Variants in SIX2 observed in about 807,000 individuals in gnomAD.
The protein encoded by SIX2 is homeobox protein SIX2.
In SIX2, 20 loss-of-function variants were observed where a neutral mutation model predicts 22.8. That is an observed-to-expected ratio of 0.88 (90% CI 0.62 to 1.28). The LOEUF is 1.28. SIX2 is among the 50% of genes most tolerant of loss of function. The probability of loss-of-function intolerance (pLI) is 0.00; values close to 1 mark genes in which losing one functional copy is unlikely to be tolerated. For synonymous variants in SIX2, 195 were observed against 186.4 expected (o/e 1.05, Z -0.37); for missense variants, 360 against 400.0 (o/e 0.90, Z 0.85).
In SIX2 at chr2:45,008,834, T is replaced by C. The variant is rs762591882; in HGVS notation, c.277A>G (p.Ile93Val). ...CGGCCGCGCAGCTTCTCCGCCTCGA[T>C]GTAGTGTGCCTTGAGCCACAGCTGC... ...LQQLWLKAHY[I>V]EAEKLRGRPL... Residue 93 changes from isoleucine (I) to valine (V), a missense_variant, in exon 1 of 2, where the codon ATC becomes GTC. Ile to Val is a conservative substitution (Grantham distance 29). This residue lies in a region of SIX2 where 118 missense variants were observed against 135.1 expected (regional missense o/e 0.87). Transcript: ENST00000303077. 6 of 1,613,758 alleles carry C rather than the reference T, an allele frequency of 3.7e-6. No individual in the cohort carries two copies. The highest frequency in any genetic ancestry group is 1.7e-5 in the Admixed American group (1 of 60,004).
intron 1 of SIX2, 92 bp downstream of exon 1, chr2:45,008,459 T>G: frequency 2.1e-6 from 3 of 1,406,276 alleles, no homozygotes; most frequent in Non-Finnish European, 3.0e-6. Context: ...GGGGGCCCAG[T>G]TTAGGCCTCT....
At position 45,006,426 on chromosome 2, in the gene SIX2, G is replaced by A. The variant is rs756926148; in HGVS notation, c.620C>T (p.Ser207Leu). The A allele has an allele frequency of 9.3e-6, 15 of 1,614,154 alleles. No homozygotes were observed. Among genetic ancestry groups the A allele is most frequent in the Non-Finnish European group, 1.2e-5 (14 of 1,180,034 alleles). The change falls in exon 2 of 2, where the codon TCG becomes TTG. Residue 207 changes from serine to leucine, a missense_variant. By Grantham distance (145) the Ser-to-Leu change is moderately radical (BLOSUM62 -2). Transcript: ENST00000303077. This position sits in a 1 kb window ranked among gnomAD's most constrained non-coding sequence, Gnocchi z 4.2. ...CTCATCCTCCGAGCTGCCTAACACCGACTTGCCGCTGCCATTCAGCGGGTT... is the reference window on the plus strand; with the variant it reads ...CTCATCCTCCGAGCTGCCTAACACCAACTTGCCGCTGCCATTCAGCGGGTT... ...SHNPLNGSGK[S>L]VLGSSEDEKT... is the part of the protein sequence containing the mutation.
At position 45,006,235 on chromosome 2, in the gene SIX2, G is replaced by T; in HGVS notation, c.811C>A (p.His271Asn). ...GGGGADPLQH[H>N]HGLQDSILNP... ...AGGATGGAGTCCTGCAGGCCATGGT[G>T]GTGTTGCAGTGGGTCCGCTCCACCT... The change falls in exon 2 of 2, where the codon CAC becomes AAC. Residue 271 changes from histidine to asparagine, a missense_variant. Physicochemically the swap from His to Asn is moderately conservative, Grantham distance 68 (BLOSUM62 1). Around this residue, in one of 3 missense-constraint regions of SIX2, gnomAD observed 235 missense variants for 231.9 expected, o/e 1.01. Transcript: ENST00000303077. The surrounding 1 kb of genome is among the most constrained non-coding windows in gnomAD (Gnocchi z 4.2). The T allele has an allele frequency of 6.2e-7, 1 of 1,614,240 alleles. No individual in the cohort carries two copies. Among genetic ancestry groups the T allele is most frequent in the South Asian group, 1.1e-5 (1 of 91,090 alleles).
intron 1 of SIX2, among the ~76,000 whole-genome samples, chr2:45,007,721 G>T (rs1490240366): frequency 1.3e-5 from 2 of 152,144 alleles, no homozygotes; most frequent in Non-Finnish European, 2.9e-5. Flanking sequence ...GGTCCTGAGG[G>T]GTTATAGGGC....
chr2:45,006,566 G>C lies in SIX2; in HGVS notation c.561-81C>G. 2 of 1,355,332 alleles carry C rather than the reference G, an allele frequency of 1.5e-6. No homozygotes were observed. The highest frequency in any genetic ancestry group is 2.1e-6 in the Non-Finnish European group (2 of 957,176). The allele number at this position is 1,355,332 out of a possible 1,614,324, so 84.0% of individuals were successfully genotyped here. ...GCCATCTCAGTCACAGTCAGAGCCA[G>C]CCACCAGCCTCGGGAGACAGATCCC... On this transcript the variant is annotated intron_variant, in intron 1 of 1. Coordinates refer to ENST00000303077, the MANE Select transcript of SIX2 (RefSeq NM_016932.5). This position sits in a 1 kb window ranked among gnomAD's most constrained non-coding sequence, Gnocchi z 4.2.
Position 45,008,793 on chromosome 2 carries a change from C to G in SIX2, c.318G>C (p.Val106=), listed in dbSNP as rs1399929699. The change falls in exon 1 of 2, where the codon GTG becomes GTC. Residue 106 remains valine, a synonymous_variant. Transcript: ENST00000303077. ...EKLRGRPLGA[V]GKYRVRRKFP... is the part of the protein sequence containing the mutation. ...ATTTGCGGCGCACGCGGTATTTGCC[C>G]ACGGCGCCCAGGGGTCGGCCGCGCA... is the stretch of plus-strand genomic sequence containing the variant. The G allele has an allele frequency of 1.2e-6, 2 of 1,613,852 alleles. No individual in the cohort carries two copies.
chr2:45,006,166 G>A lies in SIX2; in HGVS notation c.*4C>T, dbSNP rs762501206. On this transcript the variant is annotated 3_prime_UTR_variant, in exon 2 of 2. Transcript: ENST00000303077. This position sits in a 1 kb window ranked among gnomAD's most constrained non-coding sequence, Gnocchi z 4.2. ...AAAGGCAAGCTCATCAAGGCAAATG[G>A]GTTCTAGGAGCCCAGGTCCACGAGG... is the stretch of plus-strand genomic sequence containing the variant. 6 of 1,614,058 alleles carry A rather than the reference G, an allele frequency of 3.7e-6. No individual in the cohort carries two copies. The highest frequency in any genetic ancestry group is 4.2e-6 in the Non-Finnish European group (5 of 1,179,996).
chr2:45,009,194 C>T lies in SIX2; in HGVS notation c.-84G>A. On this transcript the variant is annotated 5_prime_UTR_variant, in exon 1 of 2. Transcript: ENST00000303077. The stretch of plus-strand genomic sequence containing the variant: ...ATGGGAGCTTCCTCGCCGGGCCGTC[C>T]GGGCCGAGACGCGGGCGGGGCTGGC... 8.5e-7 allele frequency: 1 copy of T among 1,178,960 alleles called. No homozygotes were observed. Among genetic ancestry groups the T allele is most frequent in the Non-Finnish European group, 1.1e-6 (1 of 928,748 alleles). 73.0% of individuals were successfully genotyped at this position (1,178,960 alleles called of 1,614,324 possible). A position where few individuals can be genotyped will look rare whatever the true frequency, so the allele number is the denominator to read the frequency against.
Position 45,005,970 on chromosome 2 carries a change from C to G in SIX2, c.*200G>C. ...CTCAGTCTCCAGCCCCAAAAGGATC[C>G]TAAAAGTAACTTGTTGAAAATAAAT... On this transcript the variant is annotated 3_prime_UTR_variant, in exon 2 of 2. Transcript: ENST00000303077. 1.5e-6 allele frequency: 1 copy of G among 675,894 alleles called. No homozygotes were observed. The highest frequency in any genetic ancestry group is 2.7e-5 in the East Asian group (1 of 36,798). 41.9% of individuals were successfully genotyped at this position (675,894 alleles called of 1,614,324 possible).
chr2:45,009,125 C>CCCCG lies in SIX2; in HGVS notation c.-19_-16dup, dbSNP rs1667825645. On this transcript the variant is annotated 5_prime_UTR_variant, in exon 1 of 2. Coordinates refer to ENST00000303077, the MANE Select transcript of SIX2 (RefSeq NM_016932.5). Reference sequence around the variant, plus strand: ...AGCATGGACATGGTGCCGGCTGCGTCCCCGCCCGCCCGCGCGCGCCCTCAC... The same window carrying CCCCG: ...AGCATGGACATGGTGCCGGCTGCGTCCCCGCCCGCCCGCCCGCGCGCGCCCTCAC... 2 of 1,535,402 alleles carry CCCCG rather than the reference C, an allele frequency of 1.3e-6. No individual in the cohort carries two copies. The highest frequency in any genetic ancestry group is 1.4e-5 in the African/African-American group (1 of 73,066).
At chr2:45,007,471 A>C (rs1667787786) in intron 1 of SIX2, among the ~76,000 whole-genome samples, 1 of 152,100 alleles carries the variant, frequency 6.6e-6, no homozygotes, top group South Asian at 2.1e-4. Context: ...AGCTTCCCAC[A>C]GGGCTGGCAG....
intron 1 of SIX2, among the ~76,000 whole-genome samples, chr2:45,007,758 A>G (rs996454267): frequency 3.9e-5 from 6 of 152,072 alleles, no homozygotes; most frequent in African/African-American, 1.4e-4. Flanking sequence ...CTAATGATCA[A>G]CCTTTAGGCT....
In SIX2 at chr2:45,005,681, C is replaced by A. The variant is rs1667737864; in HGVS notation, c.*489G>T. ...GGACCAGGACACAGAGTACAAGAGA[C>A]TGGCAGGAGAGAAGAGAGGAGAAAC... is the stretch of plus-strand genomic sequence containing the variant. On this transcript the variant is annotated 3_prime_UTR_variant, in exon 2 of 2. Coordinates refer to ENST00000303077, the MANE Select transcript of SIX2 (RefSeq NM_016932.5). 3.7e-6 allele frequency: 1 copy of A among 271,318 alleles called. No homozygotes were observed. The highest frequency in any genetic ancestry group is 4.2e-5 in the South Asian group (1 of 23,562). The allele number at this position is 271,318 out of a possible 1,614,324, so 16.8% of individuals were successfully genotyped here.
rs867265685 is a variant in SIX2, at chr2:45,005,749, C to T, written c.*421G>A. 7.0e-5 allele frequency: 22 copies of T among 314,648 alleles called. No homozygotes were observed. The highest frequency in any genetic ancestry group is 1.2e-4 in the Non-Finnish European group (19 of 163,744). The allele number at this position is 314,648 out of a possible 1,614,324, so 19.5% of individuals were successfully genotyped here. On this transcript the variant is annotated 3_prime_UTR_variant, in exon 2 of 2. Coordinates refer to ENST00000303077, the MANE Select transcript of SIX2 (RefSeq NM_016932.5). ...GGGAGAGACAGAAGGAGAGAATGAA[C>T]GGTGGCAAGCTAGAAATCTAGAAGG...
In SIX2 at chr2:45,006,370, A is replaced by G; in HGVS notation, c.676T>C (p.Ser226Pro). Residue 226 changes from serine to proline, a missense_variant, in exon 2 of 2, where the codon TCA becomes CCA. By Grantham distance (74) the Ser-to-Pro change is moderately conservative. Around this residue, in one of 3 missense-constraint regions of SIX2, gnomAD observed 235 missense variants for 231.9 expected, o/e 1.01. Transcript: ENST00000303077. This position sits in a 1 kb window ranked among gnomAD's most constrained non-coding sequence, Gnocchi z 4.2. ...KTPSGTPDHS[S>P]SSPALLLSPP... Reference sequence around the variant, plus strand: ...CTGAGGAGCAGTGCGGGGCTGGATGATGAGTGGTCTGGCGTCCCCGATGGA... The same window carrying G: ...CTGAGGAGCAGTGCGGGGCTGGATGGTGAGTGGTCTGGCGTCCCCGATGGA... The G allele has an allele frequency of 6.2e-7, 1 of 1,614,170 alleles. No individual in the cohort carries two copies. The highest frequency in any genetic ancestry group is 8.5e-7 in the Non-Finnish European group (1 of 1,180,032).
At chr2:45,008,382 T>A (rs1667806674) in intron 1 of SIX2, among the ~76,000 whole-genome samples, 169 bp downstream of exon 1, 1 of 152,274 alleles carries the variant, frequency 6.6e-6, no homozygotes, top group South Asian at 2.1e-4. Context: ...TCGCCGGGTC[T>A]CCGGCATAGA....
rs944793678 is a variant in SIX2 at position 45,006,616 on chromosome 2, C to A, written c.561-131G>T. ...CGGGCTTGTGGCCTGCGGGTGTTTT[C>A]GGTTTCTACCATTTCCTCGACCTGG... On this transcript the variant is annotated intron_variant, in intron 1 of 1. Transcript: ENST00000303077. This position sits in a 1 kb window ranked among gnomAD's most constrained non-coding sequence, Gnocchi z 4.2. The A allele has an allele frequency of 2.3e-6, 2 of 865,144 alleles. No individual in the cohort carries two copies. Among genetic ancestry groups the A allele is most frequent in the African/African-American group, 1.7e-5 (1 of 60,526 alleles). The allele number at this position is 865,144 out of a possible 1,614,324, so 53.6% of individuals were successfully genotyped here.
In SIX2 at chr2:45,009,003, C is replaced by G. The variant is rs756119100; in HGVS notation, c.108G>C (p.Ser36=). ...NIERLGRFLW[S]LPACEHLHKN... is the part of the protein sequence containing the mutation. ...TGTGAAGGTGCTCGCAGGCGGGCAG[C>G]GACCACAGGAAGCGGCCCAGCCGCT... Residue 36 remains serine, a synonymous_variant, in exon 1 of 2, where the codon TCG becomes TCC. Transcript: ENST00000303077. The G allele has an allele frequency of 6.2e-7, 1 of 1,611,964 alleles. No individual in the cohort carries two copies. The highest frequency in any genetic ancestry group is 8.5e-7 in the Non-Finnish European group (1 of 1,179,838).
At chr2:45,008,525 G>C in intron 1 of SIX2, 26 bp downstream of exon 1, 1 of 1,609,432 alleles carries the variant, frequency 6.2e-7, no homozygotes, top group Non-Finnish European at 8.5e-7. Context: ...GGGAGCTGGC[G>C]CCGAAGAAGG....
Sources: gnomAD v4.1 joint callset for allele counts (sites outside exome capture counted in the v4.1 genomes callset) on GRCh38, gnomAD v4.1.1 for gene constraint, gnomAD v4.1.1 regional missense constraint, Gnocchi (gnomAD v3.1) non-coding constraint, MANE v1.5 for transcripts, NCBI Gene and HGNC (gene_info 2026-07-23, HGNC 2026-07-21) for gene names.